The following FSD2 variants were observed in gnomAD, a reference collection of about 807,000 sequenced individuals.
FSD2 encodes the protein fibronectin type III and SPRY domain-containing protein 2.
In FSD2, 71 loss-of-function variants were observed where a neutral mutation model predicts 80.4. The observed-to-expected ratio is 0.88, with a 90% CI of 0.73 to 1.08. The LOEUF (loss-of-function observed/expected upper bound fraction) is 1.08, where lower values mean the gene tolerates loss of function less well. Among genes scored for constraint, FSD2 ranks in the 50% least tolerant of loss-of-function variants. FSD2 has a pLI of 0.00. For synonymous variants in FSD2, 361 were observed against 329.5 expected (o/e 1.10, Z -1.03); for missense variants, 923 against 913.8 (o/e 1.01, Z -0.13).
chr15:82,762,300 A>T, intron 11 of FSD2, 22 bp from the exon 12 acceptor site: 1 of 1,609,612 alleles, frequency 6.2e-7, no homozygotes, highest in Non-Finnish European at 8.5e-7. Flanking sequence ...AAGTGGAAGC[A>T]TGTGTGATCT....
intron 12 of FSD2, among the ~76,000 whole-genome samples, chr15:82,760,563 C>T (rs1275855495): frequency 6.8e-6 from 1 of 147,636 alleles, no homozygotes; most frequent in Non-Finnish European, 1.5e-5. Context: ...GCCCATTTCA[C>T]CTTAATTTAA....
chr15:82,803,370 G>C (rs1413391563), intron 1 of FSD2, among the ~76,000 whole-genome samples: 1 of 152,058 alleles, frequency 6.6e-6, no homozygotes, highest in African/African-American at 2.4e-5. Context: ...CATTCTGAGG[G>C]CTCCATTACT....
chr15:82,803,015 G>C (rs2050450494), intron 1 of FSD2, among the ~76,000 whole-genome samples: 2 of 152,110 alleles, frequency 1.3e-5, no homozygotes, highest in Non-Finnish European at 2.9e-5. Flanking sequence ...TAGGCGCTGG[G>C]GGTACAATGG....
intron 11 of FSD2, among the ~76,000 whole-genome samples, chr15:82,762,712 A>T (rs768913009): frequency 1.3e-5 from 2 of 152,198 alleles, no homozygotes; most frequent in Non-Finnish European, 2.9e-5. Flanking sequence ...CATGTTAGGG[A>T]TGACTCCTGG....
chr15:82,779,760 G>A (rs2049807908), intron 5 of FSD2, among the ~76,000 whole-genome samples: 1 of 151,836 alleles, frequency 6.6e-6, no homozygotes, highest in African/African-American at 2.4e-5. Flanking sequence ...GTTGCTTTAT[G>A]GACATTTATT....
At position 82,799,654 on chromosome 15, in the gene FSD2, G is replaced by A. The variant is rs190054474; in HGVS notation, c.-79+6312C>T. On this transcript the variant is annotated intron_variant, in intron 1 of 12. Coordinates refer to ENST00000334574, the MANE Select transcript of FSD2 (RefSeq NM_001007122.4). ...TCCCCAACTCACCATGTGGTGTGAC[G>A]TCACCTCCACGGCAGCCCCTGCATG... is the stretch of plus-strand genomic sequence containing the variant. Among the ~76,000 whole-genome samples, 71 of 152,212 alleles carry A rather than the reference G, an allele frequency of 4.7e-4. 1 individual carries two copies. The East Asian group carries it at 5.4e-3, about 12-fold the overall frequency.
At chr15:82,798,555 G>A (rs1313481690) in intron 1 of FSD2, among the ~76,000 whole-genome samples, 1 of 152,008 alleles carries the variant, frequency 6.6e-6, no homozygotes, top group Non-Finnish European at 1.5e-5. Flanking sequence ...TATATATAAT[G>A]TTTTGAGAAA....
intron 11 of FSD2, among the ~76,000 whole-genome samples, chr15:82,764,709 C>T (rs1188049977): frequency 6.6e-6 from 1 of 151,932 alleles, no homozygotes; most frequent in Non-Finnish European, 1.5e-5. Flanking sequence ...AACTCCTGAC[C>T]TCAGGTGATC....
At position 82,772,058 on chromosome 15, in the gene FSD2, C is replaced by T. The variant is rs116955208; in HGVS notation, c.1267+15G>A. 192 of 1,538,790 alleles carry T rather than the reference C, an allele frequency of 1.2e-4. 2 individuals are homozygous for T. The East Asian group carries it at 3.9e-3, about 31-fold the overall frequency. On this transcript the variant is annotated intron_variant, in intron 7 of 12. Transcript: ENST00000334574. ...TGTTCCCATGAGCACGGGCATGTTC[C>T]TGGCAGAGCCTCACCTGCTTGGTCC...
chr15:82,759,730 T>A, intron 12 of FSD2, 130 bp from the exon 13 acceptor site: 3 of 692,556 alleles, frequency 4.3e-6, no homozygotes, highest in Non-Finnish European at 7.0e-6. Context: ...ACTACCAAGG[T>A]GACAAGCCAT....
At chr15:82,770,233 G>A (rs1246530001) in intron 7 of FSD2, among the ~76,000 whole-genome samples, 1 of 152,234 alleles carries the variant, frequency 6.6e-6, no homozygotes, top group Non-Finnish European at 1.5e-5. Flanking sequence ...CCTGGAGGAT[G>A]TGAGACCGCA....
At chr15:82,796,654 A>C (rs2050279018) in intron 1 of FSD2, among the ~76,000 whole-genome samples, 1 of 152,198 alleles carries the variant, frequency 6.6e-6, no homozygotes, top group South Asian at 2.1e-4. Flanking sequence ...ATTGTCCCAG[A>C]CTAAAAATAA....
chr15:82,783,087 T>C lies in FSD2; in HGVS notation c.736-62A>G, dbSNP rs539160834. The C allele has an allele frequency of 9.5e-5, 117 of 1,236,990 alleles. 3 individuals are homozygous for C. The South Asian group carries it at 1.5e-3, about 16-fold the overall frequency. The allele number at this position is 1,236,990 out of a possible 1,614,324, so 76.6% of individuals were successfully genotyped here. On this transcript the variant is annotated intron_variant, in intron 3 of 12. Transcript: ENST00000334574. ...ATGTAGTGTGTTGATTAGAGTCTTT[T>C]GTTTTTTGTTTTTTTGTTTGTTTGT...
intron 11 of FSD2, among the ~76,000 whole-genome samples, chr15:82,763,258 T>G (rs1357279901): frequency 6.6e-6 from 1 of 152,192 alleles, no homozygotes; most frequent in East Asian, 1.9e-4. Context: ...CACATCTCCA[T>G]TTTGGTTAAT....
intron 4 of FSD2, 141 bp downstream of exon 4, chr15:82,782,654 G>C (rs1255823459): frequency 2.9e-6 from 2 of 697,302 alleles, no homozygotes; most frequent in Non-Finnish European, 5.0e-6. Context: ...GAATCAAATG[G>C]ATGCTGGCCA....
At position 82,786,929 on chromosome 15, in the gene FSD2, G is replaced by A. The variant is rs201410826; in HGVS notation, c.462C>T (p.His154=). The A allele has an allele frequency of 4.1e-5, 66 of 1,613,992 alleles. No homozygotes were observed. The Middle Eastern group carries it at 9.9e-4, about 24-fold the overall frequency. Residue 154 remains histidine (H), a synonymous_variant, in exon 2 of 13, where the codon CAC becomes CAT. Coordinates refer to ENST00000334574, the MANE Select transcript of FSD2 (RefSeq NM_001007122.4). ...ATTCATACTCCTCGCTGGCACGGCC[G>A]TGTGTGTACCTATAGGCTTCCCGCA... ...QDLREAYRYT[H]GRASEEYECY... is the part of the protein sequence containing the mutation.
rs1220960410 is a variant in FSD2 at position 82,759,205 on chromosome 15, C to T, written c.*143G>A. 4 of 886,214 alleles carry T rather than the reference C, an allele frequency of 4.5e-6. No individual in the cohort carries two copies. The highest frequency in any genetic ancestry group is 2.9e-5 in the Admixed American group (1 of 34,572). 54.9% of individuals were successfully genotyped at this position (886,214 alleles called of 1,614,324 possible). On this transcript the variant is annotated 3_prime_UTR_variant, in exon 13 of 13. Coordinates refer to ENST00000334574, the MANE Select transcript of FSD2 (RefSeq NM_001007122.4). Reference sequence around the variant, plus strand: ...TAGAATCCAGGTTGGGTGAAATGAGCGCTAGCACACCAGTCAGATAATAGC... The same window carrying T: ...TAGAATCCAGGTTGGGTGAAATGAGTGCTAGCACACCAGTCAGATAATAGC...
At chr15:82,770,336 G>A (rs575599674) in intron 7 of FSD2, among the ~76,000 whole-genome samples, 1 of 152,300 alleles carries the variant, frequency 6.6e-6, no homozygotes, top group South Asian at 2.1e-4. Flanking sequence ...CCCTATCCAA[G>A]GTGGTTCAGA....
chr15:82,757,003 A>AT lies in FSD2; in HGVS notation c.*2344dup, dbSNP rs932672841. ...GTTTATAGTAGTTTCAGGAATTGAG[A>AT]TTTTTTACAAAAATACAAAAGTTTT... is the stretch of plus-strand genomic sequence containing the variant. On this transcript the variant is annotated 3_prime_UTR_variant, in exon 13 of 13. Transcript: ENST00000334574. 4.1e-4 allele frequency: 62 copies of AT among 152,240 alleles called. No individual in the cohort carries two copies. The highest frequency in any genetic ancestry group is 1.5e-3 in the African/African-American group (61 of 41,542). 9.4% of individuals were successfully genotyped at this position (152,240 alleles called of 1,614,324 possible).
Sources: gnomAD v4.1 joint callset for allele counts (sites outside exome capture counted in the v4.1 genomes callset) on GRCh38, gnomAD v4.1.1 for gene constraint, MANE v1.5 for transcripts, NCBI Gene and HGNC (gene_info 2026-07-23, HGNC 2026-07-21) for gene names.